Variants in MICU2 observed in about 807,000 individuals in gnomAD.
MICU2 encodes the protein mitochondrial calcium uptake 2.
MICU2 carries 64 observed loss-of-function variants against 60.4 expected under a neutral mutation model. That is an observed-to-expected ratio of 1.06 (90% CI 0.87 to 1.31). The LOEUF (loss-of-function observed/expected upper bound fraction) is 1.31. Ranked by LOEUF, MICU2 falls within the 50% of genes most tolerant of loss-of-function variation. MICU2 has a pLI of 0.00. For synonymous variants in MICU2, 201 were observed against 175.0 expected (o/e 1.15, Z -1.17); for missense variants, 569 against 531.0 (o/e 1.07, Z -0.70).
intron 9 of MICU2, among the ~76,000 whole-genome samples, chr13:21,500,124 G>A (rs906957439): frequency 1.4e-5 from 2 of 148,020 alleles, no homozygotes; most frequent in African/African-American, 4.9e-5. Context: ...TGCTGTGTGG[G>A]CAGCATCTAC....
At chr13:21,597,616 G>A (rs1009948605) in intron 1 of MICU2, among the ~76,000 whole-genome samples, 3 of 152,038 alleles carry the variant, frequency 2.0e-5, no homozygotes, top group Admixed American at 6.6e-5. Flanking sequence ...AAGGGGAGAC[G>A]AAATAAACAA....
At chr13:21,588,344 T>C (rs1233730580) in intron 1 of MICU2, among the ~76,000 whole-genome samples, 1 of 152,200 alleles carries the variant, frequency 6.6e-6, no homozygotes, top group East Asian at 1.9e-4. Context: ...CTGTCCCCTT[T>C]CCACTAAGGT....
chr13:21,600,550 T>G (rs551705694), intron 1 of MICU2, among the ~76,000 whole-genome samples: 1 of 152,320 alleles, frequency 6.6e-6, no homozygotes, highest in East Asian at 1.9e-4. Flanking sequence ...CCTGGCATAT[T>G]GTCTAGCACA....
At chr13:21,539,553 C>A (rs987204552) in intron 3 of MICU2, 104 bp downstream of exon 3, 4 of 1,477,604 alleles carry the variant, frequency 2.7e-6, no homozygotes, top group Non-Finnish European at 3.8e-6. Context: ...CCACCTTGGC[C>A]TCCCAAAGTG....
At chr13:21,517,224 A>C (rs1198197542) in intron 6 of MICU2, among the ~76,000 whole-genome samples, 3 of 152,338 alleles carry the variant, frequency 2.0e-5, no homozygotes, top group African/African-American at 7.2e-5. Flanking sequence ...TCTGTATTTT[A>C]GGACATCTTC....
chr13:21,593,465 T>TTCCC (rs1888626930), intron 1 of MICU2, among the ~76,000 whole-genome samples: 1 of 148,778 alleles, frequency 6.7e-6, no homozygotes. Context: ...TTCAATGCTA[T>TTCCC]TCCCATCAAA....
rs966496041 is a variant in MICU2, at chr13:21,495,992, AAGAATAT to A, written c.1042+53_1042+59del. 310 of 1,197,336 alleles carry A rather than the reference AAGAATAT, an allele frequency of 2.6e-4. 1 individual carries two copies. In the African/African-American group the frequency reaches 4.5e-3, roughly 17 times the overall value. 74.2% of individuals were successfully genotyped at this position (1,197,336 alleles called of 1,614,324 possible). A position where few individuals can be genotyped will look rare whatever the true frequency, so the allele number is the denominator to read the frequency against. On this transcript the variant is annotated intron_variant, in intron 10 of 11. Coordinates refer to ENST00000382374, the MANE Select transcript of MICU2 (RefSeq NM_152726.3). ...TTCCTTGATTGGTAGCATTTAGTTG[AAGAATAT>A]AGTAAAACTGTTTATAGATGATAAA...
At chr13:21,520,561 A>C (rs1484680761) in intron 6 of MICU2, among the ~76,000 whole-genome samples, 1 of 152,100 alleles carries the variant, frequency 6.6e-6, no homozygotes, top group African/African-American at 2.4e-5. Flanking sequence ...CCATATATAT[A>C]TCTATATTTT....
chr13:21,505,535 G>A (rs1886272214), intron 8 of MICU2, among the ~76,000 whole-genome samples: 5 of 152,110 alleles, frequency 3.3e-5, no homozygotes, highest in Admixed American at 3.3e-4. Flanking sequence ...TTACTTAAAC[G>A]GTTAAGTGAT....
intron 1 of MICU2, among the ~76,000 whole-genome samples, chr13:21,602,250 C>T (rs1197071126): frequency 6.6e-6 from 1 of 151,918 alleles, no homozygotes; most frequent in Non-Finnish European, 1.5e-5. Flanking sequence ...CGGCCGGGCG[C>T]AGTGGCTCAC....
chr13:21,552,369 T>C (rs1593340886), intron 2 of MICU2, among the ~76,000 whole-genome samples: 1 of 152,060 alleles, frequency 6.6e-6, no homozygotes, highest in African/African-American at 2.4e-5. Flanking sequence ...TTTTCTCCCA[T>C]TCTGTAGGTT....
At chr13:21,587,384 T>C (rs760769833) in intron 1 of MICU2, among the ~76,000 whole-genome samples, 10 of 152,234 alleles carry the variant, frequency 6.6e-5, no homozygotes, top group Non-Finnish European at 1.5e-4. Flanking sequence ...TCTTACCAAA[T>C]GATAAAAGTA....
chr13:21,599,919 T>C (rs1443545417), intron 1 of MICU2, among the ~76,000 whole-genome samples: 2 of 152,232 alleles, frequency 1.3e-5, no homozygotes, highest in South Asian at 2.1e-4. Context: ...ATATCTGAGA[T>C]TTCTGTTGAT....
chr13:21,555,478 T>A (rs1887684619), intron 2 of MICU2, among the ~76,000 whole-genome samples: 2 of 152,214 alleles, frequency 1.3e-5, no homozygotes. Context: ...CAATGCTTCA[T>A]GCTAAAAACT....
rs1169861358 is a variant in MICU2, at chr13:21,591,202, C to CA, written c.210+12736dup. On this transcript the variant is annotated intron_variant, in intron 1 of 11. Transcript: ENST00000382374. Reference sequence around the variant, plus strand: ...GAAAATTCACCAAGCAAATGGAAAGCAAAAAAAAAAAGCAGGGGTTGCAAT... The same window carrying CA: ...GAAAATTCACCAAGCAAATGGAAAGCAAAAAAAAAAAAGCAGGGGTTGCAAT... 2.9e-3 allele frequency among the ~76,000 whole-genome samples: 423 copies of CA among 145,108 alleles called. 3 individuals carry two copies. Among genetic ancestry groups the CA allele is most frequent in the African/African-American group, 9.8e-3 (375 of 38,434 alleles).
At chr13:21,542,685 G>A (rs1197073341) in intron 2 of MICU2, among the ~76,000 whole-genome samples, 1 of 152,146 alleles carries the variant, frequency 6.6e-6, no homozygotes, top group Admixed American at 6.5e-5. Flanking sequence ...CATAGATCTT[G>A]AAGCACTAGG....
intron 2 of MICU2, among the ~76,000 whole-genome samples, chr13:21,541,219 G>C (rs1887274500): frequency 6.6e-6 from 1 of 151,898 alleles, no homozygotes; most frequent in Non-Finnish European, 1.5e-5. Context: ...CTGTTTGAAG[G>C]CTAGATTCCT....
intron 4 of MICU2, among the ~76,000 whole-genome samples, chr13:21,526,764 T>C (rs963348494): frequency 1.3e-5 from 2 of 151,938 alleles, no homozygotes; most frequent in Non-Finnish European, 2.9e-5. Flanking sequence ...ATATGAAAAC[T>C]GCAAAGTGAT....
At chr13:21,566,156 C>G (rs981752166) in intron 2 of MICU2, among the ~76,000 whole-genome samples, 1 of 152,160 alleles carries the variant, frequency 6.6e-6, no homozygotes, top group African/African-American at 2.4e-5. Context: ...CTATACTACT[C>G]TGACTGCTCA....
Sources: gnomAD v4.1 joint callset for allele counts (sites outside exome capture counted in the v4.1 genomes callset) on GRCh38, gnomAD v4.1.1 for gene constraint, MANE v1.5 for transcripts, NCBI Gene and HGNC (gene_info 2026-07-23, HGNC 2026-07-21) for gene names.